Variants in MTUS2 observed in about 807,000 individuals in gnomAD.
MTUS2 encodes the protein microtubule-associated tumor suppressor candidate 2.
MTUS2 carries 40 observed loss-of-function variants against 114.1 expected under a neutral mutation model. The observed-to-expected ratio is 0.35, with a 90% CI of 0.27 to 0.46. The LOEUF is 0.46. Ranked by LOEUF, MTUS2 falls within the 20% of genes least tolerant of loss-of-function variation. The pLI, the probability that MTUS2 is intolerant of heterozygous loss-of-function variation, is 1.00. For synonymous variants in MTUS2, 688 were observed against 672.0 expected (o/e 1.02, Z -0.37); for missense variants, 1,679 against 1,705.4 (o/e 0.98, Z 0.27).
intron 4 of MTUS2, among the ~76,000 whole-genome samples, chr13:29,072,545 T>A (rs1258806040): frequency 6.6e-6 from 1 of 152,228 alleles, no homozygotes; most frequent in African/African-American, 2.4e-5. Context: ...TATGTCATCA[T>A]ACTACAGTTT....
At chr13:29,271,143 C>A (rs1250173687) in intron 5 of MTUS2, among the ~76,000 whole-genome samples, 1 of 152,136 alleles carries the variant, frequency 6.6e-6, no homozygotes, top group East Asian at 1.9e-4. Context: ...CTTTGAAATG[C>A]ATTCTGGCTT....
chr13:29,069,583 A>G (rs1393898495), intron 4 of MTUS2, among the ~76,000 whole-genome samples: 1 of 152,204 alleles, frequency 6.6e-6, no homozygotes, highest in Non-Finnish European at 1.5e-5. Context: ...CCCATGTCCT[A>G]CTCAAGGTGA....
intron 6 of MTUS2, among the ~76,000 whole-genome samples, chr13:29,289,933 C>T (rs1416775261): frequency 1.3e-5 from 2 of 152,232 alleles, no homozygotes; most frequent in African/African-American, 4.8e-5. Flanking sequence ...TTTTGCTTTA[C>T]CCCACCTCCA....
intron 5 of MTUS2, among the ~76,000 whole-genome samples, chr13:29,177,667 C>T (rs908981913): frequency 5.3e-5 from 8 of 152,252 alleles, no homozygotes; most frequent in Admixed American, 2.0e-4. Context: ...TTCAAAAAAA[C>T]AGGTAATCCT....
At chr13:28,974,969 C>T (rs1379737994) in intron 2 of MTUS2, among the ~76,000 whole-genome samples, 3 of 152,134 alleles carry the variant, frequency 2.0e-5, no homozygotes, top group African/African-American at 7.2e-5. Context: ...GAGGGTTGGT[C>T]CATCTGGAGC....
At chr13:29,391,537 G>C (rs1873463840) in intron 8 of MTUS2, among the ~76,000 whole-genome samples, 1 of 145,462 alleles carries the variant, frequency 6.9e-6, no homozygotes, top group African/African-American at 2.5e-5. Flanking sequence ...ATTCCACATG[G>C]CTTCAGGGGC....
chr13:29,357,615 A>G (rs931795986), intron 7 of MTUS2, among the ~76,000 whole-genome samples: 1 of 152,190 alleles, frequency 6.6e-6, no homozygotes, highest in East Asian at 1.9e-4. Context: ...GTTGGTAGTC[A>G]TATTTGTTTT....
intron 2 of MTUS2, among the ~76,000 whole-genome samples, chr13:28,849,681 A>G (rs1377706142): frequency 1.3e-5 from 2 of 151,696 alleles, no homozygotes; most frequent in East Asian, 1.9e-4. Context: ...TGACTTCCCA[A>G]TTTCTCTCTC....
At chr13:29,125,976 T>C (rs747758278) in intron 5 of MTUS2, among the ~76,000 whole-genome samples, 7 of 152,186 alleles carry the variant, frequency 4.6e-5, no homozygotes, top group Non-Finnish European at 8.8e-5. Flanking sequence ...TAGCCATAAT[T>C]GGGGATTCTC....
chr13:28,914,812 A>G (rs2138028137), intron 2 of MTUS2, among the ~76,000 whole-genome samples: 1 of 152,054 alleles, frequency 6.6e-6, no homozygotes, highest in African/African-American at 2.4e-5. Flanking sequence ...CTTCTTGTTG[A>G]ATTGAATCCT....
rs372604465 is a variant in MTUS2 at position 29,026,101 on chromosome 13, T to A, written c.1403T>A (p.Met468Lys). Residue 468 changes from methionine (M) to lysine (K), a missense_variant, in exon 3 of 16, where the codon ATG becomes AAG. Met to Lys is a moderately conservative substitution (Grantham distance 95). Transcript: ENST00000612955. ...RLGSGNKDSVMVLVFNPSVGE... is the reference protein window; with the variant it reads ...RLGSGNKDSVKVLVFNPSVGE... ...GGCAGTGGGAATAAGGACAGTGTTA[T>A]GGTTTTGGTGTTCAATCCTTCTGTT... is the stretch of plus-strand genomic sequence containing the variant. The A allele has an allele frequency of 3.7e-5, 59 of 1,614,014 alleles. No individual in the cohort carries two copies. Among genetic ancestry groups the A allele is most frequent in the Non-Finnish European group, 4.9e-5 (58 of 1,179,890 alleles).
intron 6 of MTUS2, among the ~76,000 whole-genome samples, chr13:29,312,798 T>C (rs899658132): frequency 6.6e-6 from 1 of 152,216 alleles, no homozygotes; most frequent in East Asian, 1.9e-4. Context: ...ATCCATCATA[T>C]TCAGAGCTTT....
Position 29,389,491 on chromosome 13 carries a change from G to A in MTUS2, c.3117+30018G>A, listed in dbSNP as rs1566173264. Among the ~76,000 whole-genome samples the A allele has an allele frequency of 1.1e-4, 12 of 112,976 alleles. 1 individual carries two copies. The highest frequency in any genetic ancestry group is 3.4e-4 in the African/African-American group (10 of 29,462). The allele number at this position is 112,976 out of a possible 152,430, so 74.1% of individuals were successfully genotyped here. On this transcript the variant is annotated intron_variant, in intron 8 of 15. Coordinates refer to ENST00000612955, the MANE Select transcript of MTUS2 (RefSeq NM_001033602.4). ...TGTATATGTATACACGTGTGTGTAT[G>A]TGTATATATGTATACACGTGTGTGT...
chr13:29,074,218 G>C (rs1889078881), intron 4 of MTUS2, among the ~76,000 whole-genome samples: 1 of 152,128 alleles, frequency 6.6e-6, no homozygotes, highest in Non-Finnish European at 1.5e-5. Context: ...TGCAGTTTCT[G>C]CTCCCCTAAA....
chr13:29,308,176 T>A (rs1208434086), intron 6 of MTUS2, among the ~76,000 whole-genome samples: 1 of 152,110 alleles, frequency 6.6e-6, no homozygotes, highest in Non-Finnish European at 1.5e-5. Flanking sequence ...CTACAGTAAC[T>A]AAAACAGCAT....
chr13:28,964,087 C>G (rs1291510798), intron 2 of MTUS2, among the ~76,000 whole-genome samples: 1 of 152,204 alleles, frequency 6.6e-6, no homozygotes, highest in Non-Finnish European at 1.5e-5. Flanking sequence ...GAGCTCCAAA[C>G]TTATTAGGCT....
intron 2 of MTUS2, among the ~76,000 whole-genome samples, chr13:28,867,195 C>T (rs955275086): frequency 6.6e-6 from 1 of 152,140 alleles, no homozygotes; most frequent in African/African-American, 2.4e-5. Flanking sequence ...GAAGGAAGGA[C>T]CTGTGCTCTT....
intron 9 of MTUS2, chr13:29,477,083 G>A (rs566581614): frequency 2.0e-5 from 3 of 152,318 alleles, no homozygotes; most frequent in African/African-American, 4.8e-5. Flanking sequence ...CCGTGCACTG[G>A]GAAGTCCACA....
rs1900458453 is a variant in MTUS2 at position 29,325,497 on chromosome 13, GGA to G, written c.2905+788_2905+789del. On this transcript the variant is annotated intron_variant, in intron 7 of 15. Coordinates refer to ENST00000612955, the MANE Select transcript of MTUS2 (RefSeq NM_001033602.4). ...AAAAGAAGAAGAGGAAGAGGGAGGA[GGA>G]GGAGGAGGAGAAGGAGGAGGAGGAG... Among the ~76,000 whole-genome samples the G allele has an allele frequency of 8.0e-5, 11 of 138,306 alleles. No individual in the cohort carries two copies. The South Asian group carries it at 1.6e-3, about 20-fold the overall frequency. The allele number at this position is 138,306 out of a possible 152,430, so 90.7% of individuals were successfully genotyped here.
Sources: gnomAD v4.1 joint callset for allele counts (sites outside exome capture counted in the v4.1 genomes callset) on GRCh38, gnomAD v4.1.1 for gene constraint, MANE v1.5 for transcripts, NCBI Gene and HGNC (gene_info 2026-07-23, HGNC 2026-07-21) for gene names.